The following UGT3A1 variants were observed in gnomAD, a reference collection of about 807,000 sequenced individuals.
The protein encoded by UGT3A1 is UDP-glycosyltransferase 3A1.
Under a neutral mutation model 37.6 loss-of-function variants are expected in UGT3A1, and 40 were observed. That is an observed-to-expected ratio of 1.06 (90% CI 0.83 to 1.38). The LOEUF is 1.38. Ranked by LOEUF, UGT3A1 falls within the 40% of genes most tolerant of loss-of-function variation. The pLI, the probability that UGT3A1 is intolerant of heterozygous loss-of-function variation, is 0.00. For missense variants in UGT3A1, 642 were observed against 634.2 expected (o/e 1.01, Z -0.13); for synonymous variants, 256 against 232.3 (o/e 1.10, Z -0.93).
intron 2 of UGT3A1, among the ~76,000 whole-genome samples, chr5:35,983,656 A>G (rs187472014): frequency 6.6e-6 from 1 of 152,356 alleles, no homozygotes; most frequent in East Asian, 1.9e-4. Context: ...TCAACAAAAT[A>G]CTAGCAAAAC....
At chr5:35,958,203 T>C (rs1739434447) in intron 4 of UGT3A1, among the ~76,000 whole-genome samples, 1 of 152,260 alleles carries the variant, frequency 6.6e-6, no homozygotes, top group South Asian at 2.1e-4. Context: ...GTAAATATTT[T>C]TGACATATAG....
At chr5:35,981,626 A>G (rs1740526693) in intron 2 of UGT3A1, among the ~76,000 whole-genome samples, 1 of 152,234 alleles carries the variant, frequency 6.6e-6, no homozygotes, top group African/African-American at 2.4e-5. Context: ...GTTCATTTGC[A>G]TAAGAAAAGA....
intron 3 of UGT3A1, among the ~76,000 whole-genome samples, chr5:35,966,911 T>C (rs895054242): frequency 6.6e-6 from 1 of 152,216 alleles, no homozygotes; most frequent in African/African-American, 2.4e-5. Flanking sequence ...ACAACAATGG[T>C]GATTCTCTGA....
intron 4 of UGT3A1, chr5:35,962,687 T>C: frequency 1.8e-6 from 1 of 565,394 alleles, no homozygotes; most frequent in Non-Finnish European, 3.2e-6. Context: ...CTACAGAAAA[T>C]GTCCAGCTGC....
At chr5:36,000,556 C>T (rs1741197952) in intron 1 of UGT3A1, among the ~76,000 whole-genome samples, 1 of 152,160 alleles carries the variant, frequency 6.6e-6, no homozygotes, top group East Asian at 1.9e-4. Context: ...GGCACAACCT[C>T]CTGAGTGGAC....
rs1739792680 is a variant in UGT3A1 at position 35,965,919 on chromosome 5, T to C, written c.312-2A>G. ...TTTACAAGGGCTTCAGATTCTTTTC[T>C]GTAATAAAGAAAATAAATAATAAAT... On this transcript the variant is annotated splice_acceptor_variant, in intron 3 of 6. Transcript: ENST00000274278. LOFTEE classifies it high-confidence loss of function. 6 of 1,521,554 alleles carry C rather than the reference T, an allele frequency of 3.9e-6. No homozygotes were observed. In the African/African-American group the frequency reaches 5.6e-5, roughly 14 times the overall value. 94.3% of individuals were successfully genotyped at this position (1,521,554 alleles called of 1,614,324 possible).
At chr5:35,985,867 C>G (rs1740709374) in intron 2 of UGT3A1, among the ~76,000 whole-genome samples, 1 of 152,192 alleles carries the variant, frequency 6.6e-6, no homozygotes, top group South Asian at 2.1e-4. Flanking sequence ...GGGATTACAT[C>G]AAGCCAAAAA....
At chr5:35,993,029 C>G (rs548863594), upstream of UGT3A1, among the ~76,000 whole-genome samples, 5 of 152,242 alleles carry the variant, frequency 3.3e-5, no homozygotes, top group African/African-American at 4.8e-5. Flanking sequence ...AAATTGATAG[C>G]TTATTTTTAC....
chr5:35,982,839 G>A (rs1276720567), intron 2 of UGT3A1, among the ~76,000 whole-genome samples: 1 of 152,196 alleles, frequency 6.6e-6, no homozygotes, highest in Non-Finnish European at 1.5e-5. Flanking sequence ...AGGAGGAGAG[G>A]CCTGCTGAGA....
chr5:35,996,022 C>CAAGAAAAAAAAA (rs1741086719), upstream of UGT3A1, among the ~76,000 whole-genome samples: 1 of 111,248 alleles, frequency 9.0e-6, no homozygotes. Context: ...TGCGCTATGA[C>CAAGAAAAAAAAA]AAAAAAAAAA....
intron 4 of UGT3A1, 71 bp downstream of exon 4, chr5:35,965,315 G>T (rs1252597734): frequency 1.8e-5 from 28 of 1,545,042 alleles, no homozygotes; most frequent in Non-Finnish European, 2.3e-5. Flanking sequence ...CCCACTGGCA[G>T]GTGGCAGCCA....
Position 35,964,231 on chromosome 5 carries a change from A to G in UGT3A1, c.843+1155T>C, listed in dbSNP as rs530686813. ...TATTCTCTTCCTAACAATTTCCACA[A>G]CTGCCCCAATGCGAAGACCTGACCC... On this transcript the variant is annotated intron_variant, in intron 4 of 6. Coordinates refer to ENST00000274278, the MANE Select transcript of UGT3A1 (RefSeq NM_152404.4). 4.6e-5 allele frequency among the ~76,000 whole-genome samples: 7 copies of G among 152,286 alleles called. No homozygotes were observed. In the South Asian group the frequency reaches 1.5e-3, roughly 32 times the overall value.
At chr5:35,964,859 C>G (rs1448305391) in intron 4 of UGT3A1, among the ~76,000 whole-genome samples, 1 of 152,110 alleles carries the variant, frequency 6.6e-6, no homozygotes, top group Non-Finnish European at 1.5e-5. Context: ...AGGGGCCCAC[C>G]CCAGACAAAT....
rs950025326 is a variant in UGT3A1 at position 35,965,996 on chromosome 5, A to T, written c.312-79T>A. On this transcript the variant is annotated intron_variant, in intron 3 of 6. Coordinates refer to ENST00000274278, the MANE Select transcript of UGT3A1 (RefSeq NM_152404.4). ...TTTGGGAGAATGTTAGACTCAAAAAAATATTTCAGGTATGTTAAGAATATA... is the reference window on the plus strand; with the variant it reads ...TTTGGGAGAATGTTAGACTCAAAAATATATTTCAGGTATGTTAAGAATATA... The T allele has an allele frequency of 2.7e-6, 3 of 1,129,100 alleles. No individual in the cohort carries two copies. The African/African-American group carries it at 4.7e-5, about 18-fold the overall frequency. The allele number at this position is 1,129,100 out of a possible 1,614,324, so 69.9% of individuals were successfully genotyped here.
chr5:35,984,076 T>C (rs1313247755), intron 2 of UGT3A1, among the ~76,000 whole-genome samples: 1 of 152,080 alleles, frequency 6.6e-6, no homozygotes, highest in East Asian at 1.9e-4. Context: ...GAGAAATAAA[T>C]AAAGACATCC....
chr5:35,984,009 C>T (rs1254040889), intron 2 of UGT3A1, among the ~76,000 whole-genome samples: 1 of 152,188 alleles, frequency 6.6e-6, no homozygotes, highest in Non-Finnish European at 1.5e-5. Context: ...AGGATGCCCA[C>T]TTTCACTACT....
intron 2 of UGT3A1, among the ~76,000 whole-genome samples, chr5:35,983,732 G>C (rs1283742323): frequency 6.6e-6 from 1 of 152,162 alleles, no homozygotes; most frequent in African/African-American, 2.4e-5. Flanking sequence ...AGGGATGCAA[G>C]AGTAGTTCAA....
At position 35,957,970 on chromosome 5, in the gene UGT3A1, G is replaced by A. The variant is rs557710565; in HGVS notation, c.844-551C>T. Among the ~76,000 whole-genome samples the A allele has an allele frequency of 1.3e-3, 199 of 152,194 alleles. 1 individual carries two copies. The highest frequency in any genetic ancestry group is 2.0e-3 in the Non-Finnish European group (133 of 68,012). ...TTTCCATTACTAAAAATGGGGTATCGAAGTCCCAAGCTATTGCTGTAGTAA... is the reference window on the plus strand; with the variant it reads ...TTTCCATTACTAAAAATGGGGTATCAAAGTCCCAAGCTATTGCTGTAGTAA... On this transcript the variant is annotated intron_variant, in intron 4 of 6. Transcript: ENST00000274278.
At chr5:35,999,765 C>T (rs1485281819) in intron 1 of UGT3A1, among the ~76,000 whole-genome samples, 1 of 152,172 alleles carries the variant, frequency 6.6e-6, no homozygotes, top group East Asian at 1.9e-4. Flanking sequence ...GGTCATTTTC[C>T]TTTTCCAGCT....
Sources: gnomAD v4.1 joint callset for allele counts (sites outside exome capture counted in the v4.1 genomes callset) on GRCh38, gnomAD v4.1.1 for gene constraint, MANE v1.5 for transcripts, NCBI Gene and HGNC (gene_info 2026-07-23, HGNC 2026-07-21) for gene names.